The following KCNK2 variants were observed in gnomAD, a reference collection of about 807,000 sequenced individuals.
KCNK2 encodes the protein potassium two pore domain channel subfamily K member 2.
KCNK2 carries 21 observed loss-of-function variants against 40.5 expected under a neutral mutation model. The ratio of observed to expected loss-of-function variants is 0.52; its 90% confidence interval spans 0.37 to 0.75. The LOEUF (loss-of-function observed/expected upper bound fraction) is 0.75. Among genes scored for constraint, KCNK2 ranks in the 30% least tolerant of loss-of-function variants. The pLI, the probability that KCNK2 is intolerant of heterozygous loss-of-function variation, is 0.00. For synonymous variants in KCNK2, 191 were observed against 202.2 expected (o/e 0.94, Z 0.47); for missense variants, 399 against 531.6 (o/e 0.75, Z 2.45).
At chr1:215,107,981 C>G (rs2102558802) in intron 2 of KCNK2, among the ~76,000 whole-genome samples, 1 of 152,268 alleles carries the variant, frequency 6.6e-6, no homozygotes, top group Non-Finnish European at 1.5e-5. Context: ...AATTTTTCCA[C>G]AGACCAATGG....
At chr1:215,165,593 A>C (rs1165834478) in intron 3 of KCNK2, among the ~76,000 whole-genome samples, 1 of 152,194 alleles carries the variant, frequency 6.6e-6, no homozygotes, top group Non-Finnish European at 1.5e-5. Context: ...TATTGAGCAC[A>C]TATAGTATAA....
intron 1 of KCNK2, among the ~76,000 whole-genome samples, chr1:215,055,905 T>A (rs1052607115): frequency 1.3e-5 from 2 of 152,232 alleles, no homozygotes; most frequent in African/African-American, 4.8e-5. Flanking sequence ...GAGATTTCTC[T>A]TTTATGTACA....
At chr1:215,176,236 T>G (rs972072113) in intron 5 of KCNK2, among the ~76,000 whole-genome samples, 2 of 152,192 alleles carry the variant, frequency 1.3e-5, no homozygotes, top group African/African-American at 4.8e-5. Context: ...TTCAATTCTC[T>G]GATGATTAGT....
intron 1 of KCNK2, among the ~76,000 whole-genome samples, chr1:215,061,749 AT>A (rs199975616): frequency 7.3e-5 from 11 of 151,448 alleles, no homozygotes; most frequent in African/African-American, 1.2e-4. Flanking sequence ...AGGGAAGTAC[AT>A]TTTTTTTTAA....
At chr1:215,233,741 G>A (rs1571761471) in intron 6 of KCNK2, among the ~76,000 whole-genome samples, 2 of 152,290 alleles carry the variant, frequency 1.3e-5, no homozygotes, top group African/African-American at 4.8e-5. Context: ...GCTGAAAGCA[G>A]AAGTGCTAGA....
At chr1:215,215,811 C>A (rs772580407) in intron 6 of KCNK2, among the ~76,000 whole-genome samples, 1 of 152,168 alleles carries the variant, frequency 6.6e-6, no homozygotes, top group Non-Finnish European at 1.5e-5. Context: ...GACAGGCCCA[C>A]GGCACTTCTG....
At chr1:215,174,329 T>TA (rs1387566341) in intron 5 of KCNK2, among the ~76,000 whole-genome samples, 1 of 152,344 alleles carries the variant, frequency 6.6e-6, no homozygotes, top group Admixed American at 6.5e-5. Flanking sequence ...CATTGGTCTA[T>TA]ATCTCTGTTT....
intron 1 of KCNK2, among the ~76,000 whole-genome samples, chr1:215,056,627 T>TC (rs1220857240): frequency 6.9e-6 from 1 of 145,954 alleles, no homozygotes; most frequent in Non-Finnish European, 1.5e-5. Flanking sequence ...TTTTTTTTTT[T>TC]TTTTTTTTGG....
intron 1 of KCNK2, among the ~76,000 whole-genome samples, chr1:215,018,912 CAGGG>C (rs1412494024): frequency 6.6e-6 from 1 of 151,988 alleles, no homozygotes; most frequent in Non-Finnish European, 1.5e-5. Context: ...AGGGAGAGCT[CAGGG>C]CCACTGCAGG....
intron 3 of KCNK2, among the ~76,000 whole-genome samples, chr1:215,135,723 T>C (rs1661875253): frequency 6.6e-6 from 1 of 151,500 alleles, no homozygotes; most frequent in Non-Finnish European, 1.5e-5. Flanking sequence ...CCAGTTATTT[T>C]TTATTTTATT....
chr1:215,164,599 G>T (rs985986129), intron 3 of KCNK2, among the ~76,000 whole-genome samples: 5 of 152,140 alleles, frequency 3.3e-5, no homozygotes, highest in Admixed American at 6.6e-5. Context: ...GTGTCCCAGA[G>T]ATTCTGGTAC....
chr1:215,156,810 C>T lies in KCNK2; in HGVS notation c.476-12389C>T, dbSNP rs992529409. Among the ~76,000 whole-genome samples, 4 of 152,210 alleles carry T rather than the reference C, an allele frequency of 2.6e-5. No individual in the cohort carries two copies. The South Asian group carries it at 8.3e-4, about 32-fold the overall frequency. On this transcript the variant is annotated intron_variant, in intron 3 of 6. Transcript: ENST00000444842. ...GGGGCAAGTGCAACACACTTTTAAA[C>T]CATCAGATCTCATGAGAACTTACTA...
At chr1:215,026,478 C>A (rs747280980) in intron 1 of KCNK2, among the ~76,000 whole-genome samples, 2 of 151,856 alleles carry the variant, frequency 1.3e-5, no homozygotes, top group Admixed American at 6.6e-5. Flanking sequence ...GAATGAATAG[C>A]GGCTTGGGGA....
At chr1:215,230,584 G>A (rs1427151421) in intron 6 of KCNK2, among the ~76,000 whole-genome samples, 12 of 12,858 alleles carry the variant, frequency 9.3e-4, no homozygotes, top group East Asian at 2.0e-3. Flanking sequence ...ATACAAGACC[G>A]TAATATATAT....
chr1:215,192,937 A>C (rs1199076802), intron 5 of KCNK2, among the ~76,000 whole-genome samples: 1 of 152,086 alleles, frequency 6.6e-6, no homozygotes, highest in Admixed American at 6.6e-5. Flanking sequence ...TTGACCCTTT[A>C]TTATTTGAAA....
chr1:215,052,702 G>A (rs779992962), intron 1 of KCNK2, among the ~76,000 whole-genome samples: 2 of 152,162 alleles, frequency 1.3e-5, no homozygotes, highest in Non-Finnish European at 2.9e-5. Flanking sequence ...TGCCAAGGTT[G>A]AGAAACCTTG....
chr1:215,021,841 G>A (rs570165477), intron 1 of KCNK2, among the ~76,000 whole-genome samples: 3 of 152,078 alleles, frequency 2.0e-5, no homozygotes, highest in African/African-American at 2.4e-5. Context: ...GAGCCACTGC[G>A]CCCGGCCACA....
At chr1:215,096,962 G>T (rs76164928) in intron 2 of KCNK2, among the ~76,000 whole-genome samples, 6,572 of 151,710 alleles carry the variant, frequency 0.043, 192 homozygotes, top group Middle Eastern at 0.092. Context: ...GTTCTTTTGA[G>T]GGTGGAACCT....
intron 1 of KCNK2, among the ~76,000 whole-genome samples, chr1:215,028,558 T>G (rs1048949323): frequency 6.6e-6 from 1 of 152,204 alleles, no homozygotes; most frequent in Non-Finnish European, 1.5e-5. Context: ...TCATTTTAAT[T>G]CTTATGAAGC....
Sources: allele counts gnomAD v4.1 joint callset (sites outside exome capture counted in the v4.1 genomes callset), GRCh38; gene constraint gnomAD v4.1.1; transcripts MANE v1.5; gene names NCBI Gene and HGNC (gene_info 2026-07-23, HGNC 2026-07-21).